Variants in ATP8A2 observed in about 807,000 individuals in gnomAD.
ATP8A2 encodes ATPase phospholipid transporting 8A2, also known as phospholipid-transporting ATPase IB.
Under a neutral mutation model 165.6 loss-of-function variants are expected in ATP8A2, and 100 were observed. The ratio of observed to expected loss-of-function variants is 0.60; its 90% CI spans 0.51 to 0.71. The LOEUF (loss-of-function observed/expected upper bound fraction) is 0.71. ATP8A2 is among the 30% of genes least tolerant of loss of function. The pLI is 0.00. For missense variants in ATP8A2, 1,227 were observed against 1,479.5 expected (o/e 0.83, Z 2.80); for synonymous variants, 543 against 548.8 (o/e 0.99, Z 0.15).
chr13:25,907,473 A>G (rs548352814), intron 33 of ATP8A2, among the ~76,000 whole-genome samples: 2 of 152,380 alleles, frequency 1.3e-5, no homozygotes, highest in South Asian at 2.1e-4. Context: ...GTGAGTTTCT[A>G]GATGACAGTG....
Position 25,553,942 on chromosome 13 carries a change from A to G in ATP8A2, c.1185+22A>G, listed in dbSNP as rs375953285. ...CTGGGTGAGTATTAAAGCAGAGTTG[A>G]ATCACTATTTTCCAATGCTATTTCA... On this transcript the variant is annotated intron_variant, in intron 12 of 36. Transcript: ENST00000381655. 7.7e-5 allele frequency: 123 copies of G among 1,601,852 alleles called. 1 individual carries two copies. Among genetic ancestry groups the G allele is most frequent in the Non-Finnish European group, 9.8e-5 (115 of 1,175,380 alleles).
intron 35 of ATP8A2, among the ~76,000 whole-genome samples, chr13:25,978,677 C>T (rs760361299): frequency 1.3e-5 from 2 of 152,126 alleles, no homozygotes; most frequent in Admixed American, 6.5e-5. Context: ...CGCGGTGGCT[C>T]ACGCCTGTAA....
At chr13:25,443,865 G>A (rs188504065) in intron 1 of ATP8A2, among the ~76,000 whole-genome samples, 3 of 152,328 alleles carry the variant, frequency 2.0e-5, no homozygotes, top group East Asian at 3.9e-4. Context: ...TATCCATTGA[G>A]TGATAGAATA....
intron 27 of ATP8A2, among the ~76,000 whole-genome samples, chr13:25,782,274 G>A (rs1443466278): frequency 6.6e-6 from 1 of 152,240 alleles, no homozygotes; most frequent in Non-Finnish European, 1.5e-5. Flanking sequence ...GAATAGATTG[G>A]CAGCTATGAG....
Position 25,538,076 on chromosome 13 carries a change from T to C in ATP8A2, c.581+15T>C. On this transcript the variant is annotated intron_variant, in intron 7 of 36. Transcript: ENST00000381655. ...CTGTCATCCAGGTTAGCTGTGCTAG[T>C]AGGCACCTTTTTTGCAATAAATGTT... 6.2e-7 allele frequency: 1 copy of C among 1,607,262 alleles called. No homozygotes were observed. Among genetic ancestry groups the C allele is most frequent in the Non-Finnish European group, 8.5e-7 (1 of 1,174,058 alleles).
At chr13:25,380,277 G>C (rs2032789707) in intron 1 of ATP8A2, among the ~76,000 whole-genome samples, 1 of 152,176 alleles carries the variant, frequency 6.6e-6, no homozygotes, top group Non-Finnish European at 1.5e-5. Context: ...TAGCTTGCTT[G>C]TCTAATATTT....
intron 24 of ATP8A2, among the ~76,000 whole-genome samples, chr13:25,593,522 G>T (rs1271253561): frequency 6.6e-6 from 1 of 152,192 alleles, no homozygotes; most frequent in Non-Finnish European, 1.5e-5. Flanking sequence ...GGGGACACTA[G>T]ATGATATATT....
At chr13:25,967,586 A>G (rs1467881536) in intron 34 of ATP8A2, among the ~76,000 whole-genome samples, 1 of 152,162 alleles carries the variant, frequency 6.6e-6, no homozygotes, top group African/African-American at 2.4e-5. Context: ...ACATAGCAGG[A>G]TCCTCACATG....
At chr13:25,666,731 T>C (rs1245687657) in intron 24 of ATP8A2, among the ~76,000 whole-genome samples, 1 of 152,114 alleles carries the variant, frequency 6.6e-6, no homozygotes, top group Non-Finnish European at 1.5e-5. Context: ...GACAACTGTA[T>C]ATACATTTAA....
intron 1 of ATP8A2, among the ~76,000 whole-genome samples, chr13:25,420,269 A>C (rs2034262035): frequency 1.3e-5 from 2 of 152,226 alleles, no homozygotes; most frequent in South Asian, 4.1e-4. Flanking sequence ...GAACCATTTT[A>C]GAATGAATTG....
chr13:26,006,600 G>A (rs539754275), intron 35 of ATP8A2, among the ~76,000 whole-genome samples: 3 of 152,086 alleles, frequency 2.0e-5, no homozygotes, highest in Non-Finnish European at 2.9e-5. Context: ...AACATGGAAA[G>A]ATGGCTTTCA....
At chr13:25,977,042 C>CCCCACCCCCACCCCCAT (rs1956062118) in intron 35 of ATP8A2, among the ~76,000 whole-genome samples, 1 of 138,520 alleles carries the variant, frequency 7.2e-6, no homozygotes, top group African/African-American at 2.8e-5. Context: ...CCCACCCCCA[C>CCCCACCCCCACCCCCAT]CCCCCTTCCC....
In ATP8A2 at chr13:25,513,182, A is replaced by G. The variant is rs1298500305; in HGVS notation, c.222-16817A>G. On this transcript the variant is annotated intron_variant, in intron 2 of 36. Coordinates refer to ENST00000381655, the MANE Select transcript of ATP8A2 (RefSeq NM_016529.6). The stretch of plus-strand genomic sequence containing the variant: ...CAGATGGGGCGGCTGCCGGGCGGAG[A>G]GGCTCCTCACTTCTCAGACGGTGCG... 1.9e-3 allele frequency among the ~76,000 whole-genome samples: 272 copies of G among 144,234 alleles called. 1 individual carries two copies. The highest frequency in any genetic ancestry group is 6.5e-4 in the Non-Finnish European group (43 of 66,418). 94.6% of individuals were successfully genotyped at this position (144,234 alleles called of 152,430 possible).
chr13:25,975,735 CAG>C (rs993414101), intron 35 of ATP8A2, among the ~76,000 whole-genome samples: 1 of 152,226 alleles, frequency 6.6e-6, no homozygotes, highest in Non-Finnish European at 1.5e-5. Context: ...CCCTTCTGCT[CAG>C]AGTCTTTCTT....
chr13:25,850,596 T>C (rs958401699), intron 30 of ATP8A2, among the ~76,000 whole-genome samples: 1 of 152,050 alleles, frequency 6.6e-6, no homozygotes, highest in Admixed American at 6.5e-5. Flanking sequence ...AACCCAACTA[T>C]TCCCGGTTTG....
intron 33 of ATP8A2, among the ~76,000 whole-genome samples, chr13:25,890,022 C>T (rs925230823): frequency 1.3e-5 from 2 of 151,924 alleles, no homozygotes; most frequent in Non-Finnish European, 2.9e-5. Context: ...ATTAGCCAGG[C>T]GTGGTGGCAC....
chr13:25,527,367 C>T (rs561800182), intron 2 of ATP8A2, among the ~76,000 whole-genome samples: 7 of 152,262 alleles, frequency 4.6e-5, no homozygotes, highest in East Asian at 1.9e-4. Context: ...CCACCCCAGA[C>T]GTACTGAATC....
chr13:25,449,719 A>G, intron 1 of ATP8A2, among the ~76,000 whole-genome samples: 1 of 152,292 alleles, frequency 6.6e-6, no homozygotes, highest in Middle Eastern at 3.4e-3. Context: ...TTTCCATTAT[A>G]TATCTGTTAT....
intron 18 of ATP8A2, among the ~76,000 whole-genome samples, chr13:25,574,323 C>T (rs1220597466): frequency 6.6e-6 from 1 of 152,178 alleles, no homozygotes; most frequent in Non-Finnish European, 1.5e-5. Context: ...AGTTATTTGG[C>T]AGCAAAACCT....
Sources: gnomAD v4.1 joint callset for allele counts (sites outside exome capture counted in the v4.1 genomes callset) on GRCh38, gnomAD v4.1.1 for gene constraint, MANE v1.5 for transcripts, NCBI Gene and HGNC (gene_info 2026-07-23, HGNC 2026-07-21) for gene names.